The following SUSD4 variants were observed in gnomAD, a reference collection of about 807,000 sequenced individuals.
The protein encoded by SUSD4 is sushi domain containing 4, also known as sushi domain-containing protein 4.
Under a neutral mutation model 50.5 loss-of-function variants are expected in SUSD4, and 41 were observed. The observed-to-expected ratio is 0.81, with a 90% CI of 0.63 to 1.05. SUSD4 has a LOEUF of 1.05. Among genes scored for constraint, SUSD4 ranks in the 50% least tolerant of loss-of-function variants. The probability of loss-of-function intolerance (pLI) is 0.00; values close to 1 mark genes in which losing one functional copy is unlikely to be tolerated. For missense variants in SUSD4, 580 were observed against 634.7 expected (o/e 0.91, Z 0.93); for synonymous variants, 257 against 257.3 (o/e 1.00, Z 0.01).
intron 2 of SUSD4, among the ~76,000 whole-genome samples, chr1:223,333,681 C>T (rs1008751703): frequency 1.3e-5 from 2 of 152,096 alleles, no homozygotes; most frequent in Non-Finnish European, 2.9e-5. Flanking sequence ...GTCCCAGAAA[C>T]GCTGGGGAAT....
intron 3 of SUSD4, among the ~76,000 whole-genome samples, chr1:223,269,969 ACT>A (rs756666056): frequency 1.3e-5 from 2 of 151,890 alleles, no homozygotes; most frequent in Non-Finnish European, 2.9e-5. Context: ...TGAGTGGGTG[ACT>A]CTCGTGGCTA....
intron 2 of SUSD4, among the ~76,000 whole-genome samples, chr1:223,297,814 A>G (rs1664927513): frequency 6.6e-6 from 1 of 152,154 alleles, no homozygotes; most frequent in South Asian, 2.1e-4. Context: ...AGCATCTGGC[A>G]TGGTGTGTGG....
At chr1:223,290,927 G>C (rs921672607) in intron 3 of SUSD4, among the ~76,000 whole-genome samples, 2 of 151,968 alleles carry the variant, frequency 1.3e-5, no homozygotes, top group African/African-American at 4.8e-5. Context: ...ATAAGCCATA[G>C]GTTTTGGCAG....
intron 2 of SUSD4, among the ~76,000 whole-genome samples, chr1:223,358,095 T>C (rs1321601265): frequency 1.3e-5 from 2 of 152,228 alleles, no homozygotes; most frequent in African/African-American, 4.8e-5. Context: ...TTAAATCGAA[T>C]TTAAAATATG....
intron 6 of SUSD4, among the ~76,000 whole-genome samples, chr1:223,228,310 G>A (rs1229595336): frequency 1.3e-5 from 2 of 152,302 alleles, no homozygotes; most frequent in South Asian, 2.1e-4. Flanking sequence ...TCTCTTAAAT[G>A]TCTCTCTGCC....
At chr1:223,330,916 G>A (rs1667137413) in intron 2 of SUSD4, among the ~76,000 whole-genome samples, 1 of 152,206 alleles carries the variant, frequency 6.6e-6, no homozygotes, top group African/African-American at 2.4e-5. Flanking sequence ...AAGGATGGCA[G>A]AGAGAAGGGA....
chr1:223,309,130 A>G (rs968153356), intron 2 of SUSD4, among the ~76,000 whole-genome samples: 1 of 152,224 alleles, frequency 6.6e-6, no homozygotes, highest in African/African-American at 2.4e-5. Flanking sequence ...GGTAAGACAT[A>G]GAACAAAAAC....
At chr1:223,265,192 G>A (rs35133329) in intron 4 of SUSD4, among the ~76,000 whole-genome samples, 63,476 of 152,094 alleles carry the variant, frequency 0.42, 13,757 homozygotes, top group African/African-American at 0.52. Flanking sequence ...CAGGCTCTGA[G>A]GACAGGTTGA....
chr1:223,255,910 T>G (rs537251889), intron 5 of SUSD4, among the ~76,000 whole-genome samples: 7 of 152,156 alleles, frequency 4.6e-5, no homozygotes, highest in Admixed American at 1.3e-4. Context: ...TATTCAGAAC[T>G]GTGGGAGGCT....
chr1:223,260,667 G>A (rs971467218), intron 5 of SUSD4, among the ~76,000 whole-genome samples: 1 of 152,186 alleles, frequency 6.6e-6, no homozygotes, highest in African/African-American at 2.4e-5. Flanking sequence ...CATCATTCTG[G>A]TTCAATGCTT....
At chr1:223,328,942 C>T (rs530218934) in intron 2 of SUSD4, among the ~76,000 whole-genome samples, 1 of 152,322 alleles carries the variant, frequency 6.6e-6, no homozygotes, top group South Asian at 2.1e-4. Flanking sequence ...TCTCCATCCA[C>T]AAGACTTCCA....
chr1:223,352,936 C>T (rs929207892), intron 2 of SUSD4, among the ~76,000 whole-genome samples: 1 of 151,848 alleles, frequency 6.6e-6, no homozygotes, highest in Non-Finnish European at 1.5e-5. Flanking sequence ...GGAGCACCTC[C>T]CTCCCTCATG....
At chr1:223,281,293 A>C (rs1453455247) in intron 3 of SUSD4, among the ~76,000 whole-genome samples, 7 of 152,090 alleles carry the variant, frequency 4.6e-5, no homozygotes, top group East Asian at 1.9e-4. Flanking sequence ...ATCAATGAAT[A>C]CAGGAGCTGG....
At chr1:223,264,935 AC>A in intron 4 of SUSD4, 117 bp from the exon 5 acceptor site, 1 of 1,035,190 alleles carries the variant, frequency 9.7e-7, no homozygotes, top group Non-Finnish European at 1.4e-6. Context: ...TGAAAATGGC[AC>A]CACCTCTGAA....
At chr1:223,345,895 C>A (rs924017284) in intron 2 of SUSD4, among the ~76,000 whole-genome samples, 1 of 152,188 alleles carries the variant, frequency 6.6e-6, no homozygotes, top group Non-Finnish European at 1.5e-5. Context: ...GCTTTCTCTG[C>A]TGCCAGTACC....
intron 2 of SUSD4, among the ~76,000 whole-genome samples, chr1:223,295,381 AG>A (rs1351893276): frequency 6.6e-6 from 1 of 152,220 alleles, no homozygotes; most frequent in Admixed American, 6.5e-5. Flanking sequence ...CATAGGTAAA[AG>A]TCATTCTCTC....
chr1:223,230,441 G>A (rs1659819086), intron 5 of SUSD4: 1 of 151,654 alleles, frequency 6.6e-6, no homozygotes, highest in Non-Finnish European at 1.5e-5. Flanking sequence ...TCCCTCCCTT[G>A]GGGTAACCAA....
intron 2 of SUSD4, among the ~76,000 whole-genome samples, chr1:223,346,044 G>A (rs575651372): frequency 5.3e-5 from 8 of 152,106 alleles, no homozygotes; most frequent in Non-Finnish European, 7.4e-5. Flanking sequence ...TCAGCCCTAC[G>A]GACACTTGAG....
intron 2 of SUSD4, among the ~76,000 whole-genome samples, chr1:223,295,354 G>T (rs1021328620): frequency 2.6e-5 from 4 of 152,190 alleles, no homozygotes; most frequent in African/African-American, 9.7e-5. Context: ...TGGGTAATCT[G>T]GACGTTTCTG....
Sources: gnomAD v4.1 joint callset for allele counts (sites outside exome capture counted in the v4.1 genomes callset) on GRCh38, gnomAD v4.1.1 for gene constraint, MANE v1.5 for transcripts, NCBI Gene and HGNC (gene_info 2026-07-23, HGNC 2026-07-21) for gene names.